RPS6KC1: variants seen among roughly 807,000 people sequenced by gnomAD.
RPS6KC1 encodes the protein ribosomal protein S6 kinase C1, also known as inactive ribosomal protein S6 kinase delta-1.
In RPS6KC1, 54 loss-of-function variants were observed where a neutral mutation model predicts 103.8. The observed-to-expected ratio is 0.52, with a 90% CI of 0.42 to 0.65. The LOEUF (loss-of-function observed/expected upper bound fraction) is 0.65. Ranked by LOEUF, RPS6KC1 falls within the 30% of genes least tolerant of loss-of-function variation. The pLI, the probability that RPS6KC1 is intolerant of heterozygous loss-of-function variation, is 0.00. For missense variants in RPS6KC1, 1,151 were observed against 1,253.8 expected, an observed-to-expected ratio of 0.92 and a Z score of 1.24; for synonymous variants, 439 against 438.7, an observed-to-expected ratio of 1.00 and a Z score of -0.01.
At chr1:213,319,558 C>A in the RPS6KC1 span, among the ~76,000 whole-genome samples, 4 of 152,126 alleles carry the variant, frequency 2.6e-5, no homozygotes, top group Admixed American at 2.0e-4. Flanking sequence ...CTGCACAATG[C>A]GTGAAAGCAA....
intron 8 of RPS6KC1, among the ~76,000 whole-genome samples, chr1:213,218,332 C>T (rs1053440980): frequency 1.1e-4 from 17 of 152,032 alleles, no homozygotes; most frequent in African/African-American, 2.7e-4. Context: ...AGGACCTCTT[C>T]AAGGAGAACT....
chr1:213,808,886 G>T, the RPS6KC1 span, among the ~76,000 whole-genome samples: 1 of 152,248 alleles, frequency 6.6e-6, no homozygotes, highest in Non-Finnish European at 1.5e-5. Flanking sequence ...CACGCTGGGA[G>T]CTATAGACCG....
chr1:213,276,147 C>T (rs76171089), downstream of RPS6KC1, among the ~76,000 whole-genome samples: 1,638 of 151,970 alleles, frequency 0.011, 30 homozygotes, highest in African/African-American at 0.038. Context: ...GAGCTCCACA[C>T]CTAGTATGCC....
the RPS6KC1 span, among the ~76,000 whole-genome samples, chr1:213,462,055 A>G: frequency 6.6e-6 from 1 of 152,210 alleles, no homozygotes; most frequent in Non-Finnish European, 1.5e-5. Flanking sequence ...CTCTACAAGG[A>G]ACTTAAACCA....
chr1:213,126,846 GAGACCACATATGGCCTGCAA>G (rs2085049179), intron 5 of RPS6KC1, among the ~76,000 whole-genome samples: 3 of 152,140 alleles, frequency 2.0e-5, no homozygotes. Flanking sequence ...AGTGGTGACA[GAGACCACATATGGCCTGCAA>G]AGCCTAAAAT....
At chr1:213,226,734 G>T (rs186347320) in intron 8 of RPS6KC1, among the ~76,000 whole-genome samples, 24 of 152,210 alleles carry the variant, frequency 1.6e-4, no homozygotes, top group African/African-American at 5.8e-4. Context: ...TGGTTTCTCA[G>T]TCCTTATTCT....
the RPS6KC1 span, among the ~76,000 whole-genome samples, chr1:213,690,527 G>A: frequency 1.3e-5 from 2 of 152,260 alleles, no homozygotes; most frequent in East Asian, 1.9e-4. Context: ...CCAATCAAAG[G>A]GAGTTCCTGC....
At chr1:213,064,473 T>G (rs997279893) in intron 1 of RPS6KC1, among the ~76,000 whole-genome samples, 5 of 151,834 alleles carry the variant, frequency 3.3e-5, no homozygotes, top group African/African-American at 1.2e-4. Flanking sequence ...GTTCAAGCGA[T>G]TCTCCTGCCT....
intron 3 of RPS6KC1, among the ~76,000 whole-genome samples, chr1:213,083,789 C>T (rs530235759): frequency 6.6e-6 from 1 of 152,220 alleles, no homozygotes; most frequent in African/African-American, 2.4e-5. Context: ...GAAGTCCCTT[C>T]CCACACTGAA....
chr1:213,689,537 C>G, the RPS6KC1 span, among the ~76,000 whole-genome samples: 1 of 152,240 alleles, frequency 6.6e-6, no homozygotes, highest in African/African-American at 2.4e-5. Flanking sequence ...TGTTCTCACA[C>G]TGGGCCACGT....
At chr1:213,064,087 C>T (rs560046531) in intron 1 of RPS6KC1, among the ~76,000 whole-genome samples, 2 of 152,174 alleles carry the variant, frequency 1.3e-5, no homozygotes, top group Admixed American at 6.5e-5. Context: ...GACGGAGTTT[C>T]ACTTGGTCAC....
chr1:213,148,673 T>A (rs932879569), intron 6 of RPS6KC1, among the ~76,000 whole-genome samples: 1 of 152,212 alleles, frequency 6.6e-6, no homozygotes. Flanking sequence ...GGTTTTGATA[T>A]CAGGGTAATA....
At chr1:213,491,105 A>G in the RPS6KC1 span, among the ~76,000 whole-genome samples, 7 of 152,142 alleles carry the variant, frequency 4.6e-5, no homozygotes, top group Non-Finnish European at 8.8e-5. Flanking sequence ...GTGGTTAGGC[A>G]CTGAGGGCAG....
the RPS6KC1 span, among the ~76,000 whole-genome samples, chr1:213,478,897 T>G: frequency 6.6e-6 from 1 of 152,068 alleles, no homozygotes; most frequent in Non-Finnish European, 1.5e-5. Flanking sequence ...GAGGGAACAA[T>G]TCTCATGAAT....
At chr1:213,319,545 A>G in the RPS6KC1 span, among the ~76,000 whole-genome samples, 21 of 152,348 alleles carry the variant, frequency 1.4e-4, no homozygotes, top group South Asian at 3.3e-3. Flanking sequence ...CCCTTATTAT[A>G]TGCTGCACAA....
At chr1:213,312,960 C>T in the RPS6KC1 span, among the ~76,000 whole-genome samples, 4 of 152,168 alleles carry the variant, frequency 2.6e-5, no homozygotes, top group Admixed American at 2.6e-4. Context: ...CCTTTCCCTT[C>T]CCCCACATAG....
the RPS6KC1 span, among the ~76,000 whole-genome samples, chr1:213,717,477 A>C: frequency 6.6e-6 from 1 of 152,240 alleles, no homozygotes; most frequent in African/African-American, 2.4e-5. Context: ...ATGGATTGGA[A>C]AGTACATTAG....
chr1:213,259,388 C>T (rs572823362), intron 12 of RPS6KC1, among the ~76,000 whole-genome samples: 18 of 130,978 alleles, frequency 1.4e-4, no homozygotes, highest in African/African-American at 4.8e-4. Flanking sequence ...GGTAAAACCC[C>T]GTGTCTACTA....
the RPS6KC1 span, among the ~76,000 whole-genome samples, chr1:213,294,311 G>A: frequency 6.6e-6 from 1 of 152,102 alleles, no homozygotes; most frequent in Non-Finnish European, 1.5e-5. Flanking sequence ...AGCTGCAAGG[G>A]GTCACAGCAG....
Sources: gnomAD v4.1 joint callset for allele counts (sites outside exome capture counted in the v4.1 genomes callset) on GRCh38, gnomAD v4.1.1 for gene constraint, MANE v1.5 for transcripts, NCBI Gene and HGNC (gene_info 2026-07-23, HGNC 2026-07-21) for gene names.